Variants in SLC25A26 observed in about 807,000 individuals in gnomAD.
SLC25A26 encodes mitochondrial S-adenosylmethionine carrier protein.
In SLC25A26, 36 loss-of-function variants were observed where a neutral mutation model predicts 37.8. The ratio of observed to expected loss-of-function variants is 0.95; its 90% CI spans 0.73 to 1.26. The LOEUF (loss-of-function observed/expected upper bound fraction) is 1.26. Among genes scored for constraint, SLC25A26 ranks in the 50% most tolerant of loss-of-function variants. The probability of loss-of-function intolerance (pLI) is 0.00; values close to 1 mark genes in which losing one functional copy is unlikely to be tolerated. For missense variants in SLC25A26, 390 were observed against 331.1 expected (o/e 1.18, Z -1.38); for synonymous variants, 129 against 122.5 (o/e 1.05, Z -0.35).
At chr3:66,361,564 A>C (rs1026990773) in intron 6 of SLC25A26, among the ~76,000 whole-genome samples, 2 of 152,242 alleles carry the variant, frequency 1.3e-5, no homozygotes, top group African/African-American at 4.8e-5. Context: ...ACGGTAACCC[A>C]GTACAAATGT....
At chr3:66,354,075 C>T (rs2076520717) in intron 6 of SLC25A26, among the ~76,000 whole-genome samples, 1 of 151,988 alleles carries the variant, frequency 6.6e-6, no homozygotes. Context: ...CCTTTTTAAC[C>T]ATACAGATCT....
In SLC25A26 at chr3:66,283,817, T is replaced by C. The variant is rs181544277; in HGVS notation, c.453+20438T>C. On this transcript the variant is annotated intron_variant, in intron 5 of 9. Transcript: ENST00000354883. ...ACACATATTTATGAGAGAGAAACTT[T>C]CTATAAGACTCTAAGTTTAGAATAT... is the stretch of plus-strand genomic sequence containing the variant. Among the ~76,000 whole-genome samples the C allele has an allele frequency of 1.5e-3, 234 of 152,374 alleles. 1 individual carries two copies. Among genetic ancestry groups the C allele is most frequent in the African/African-American group, 5.3e-3 (222 of 41,592 alleles).
intron 2 of SLC25A26, among the ~76,000 whole-genome samples, chr3:66,241,077 C>T (rs2072561282): frequency 6.6e-6 from 1 of 152,022 alleles, no homozygotes; most frequent in African/African-American, 2.4e-5. Context: ...TATTTCTAGG[C>T]TATGTGGTTC....
chr3:66,264,732 G>C (rs1455785509), intron 5 of SLC25A26, among the ~76,000 whole-genome samples: 1 of 152,182 alleles, frequency 6.6e-6, no homozygotes, highest in Non-Finnish European at 1.5e-5. Flanking sequence ...TGCCAAAAAG[G>C]TTGGGGACCG....
chr3:66,172,396 G>A (rs1164842362), intron 1 of SLC25A26, among the ~76,000 whole-genome samples: 1 of 75,944 alleles, frequency 1.3e-5, no homozygotes, highest in East Asian at 3.6e-4. Flanking sequence ...GGGCCAGAGA[G>A]TGATACCTGT....
At chr3:66,156,619 T>A (rs528465937) in intron 1 of SLC25A26, among the ~76,000 whole-genome samples, 2 of 152,146 alleles carry the variant, frequency 1.3e-5, no homozygotes, top group East Asian at 3.9e-4. Flanking sequence ...CTTGTCATGA[T>A]GTAGGGGATA....
chr3:66,134,105 T>C (rs953875047), intron 1 of SLC25A26: 2 of 152,352 alleles, frequency 1.3e-5, no homozygotes, highest in African/African-American at 4.8e-5. Flanking sequence ...GAAGTTATTT[T>C]AACAGACTTC....
chr3:66,225,882 A>G (rs571258498), intron 1 of SLC25A26, among the ~76,000 whole-genome samples: 3 of 152,008 alleles, frequency 2.0e-5, no homozygotes, highest in Non-Finnish European at 4.4e-5. Context: ...CCTCATCTCC[A>G]TCTGAGTCCA....
intron 1 of SLC25A26, among the ~76,000 whole-genome samples, chr3:66,140,175 C>T (rs571419957): frequency 3.5e-4 from 54 of 152,320 alleles, no homozygotes; most frequent in Admixed American, 3.1e-3. Flanking sequence ...TATGTATTAA[C>T]ACTTGCAAGT....
chr3:66,261,191 T>C (rs2073515921), intron 3 of SLC25A26, among the ~76,000 whole-genome samples: 1 of 152,238 alleles, frequency 6.6e-6, no homozygotes, highest in Admixed American at 6.5e-5. Context: ...AAAGTTTGTA[T>C]ATTTGCAGAC....
intron 5 of SLC25A26, among the ~76,000 whole-genome samples, chr3:66,281,395 C>T (rs1204255271): frequency 6.6e-6 from 1 of 152,186 alleles, no homozygotes; most frequent in Non-Finnish European, 1.5e-5. Context: ...ATAGTTTTAA[C>T]ATCTGTGGAT....
chr3:66,341,646 G>A lies in SLC25A26; in HGVS notation c.454-4718G>A, dbSNP rs2076211914. On this transcript the variant is annotated intron_variant, in intron 5 of 9. Coordinates refer to ENST00000354883, the MANE Select transcript of SLC25A26 (RefSeq NM_001379210.1). ...CACACTCATCTGCTTTTCTCTGTTA[G>A]ATTCTTTTACTCATGTGTTTATTTT... Among the ~76,000 whole-genome samples the A allele has an allele frequency of 2.0e-5, 3 of 152,106 alleles. No homozygotes were observed. The East Asian group carries it at 5.8e-4, about 29-fold the overall frequency.
intron 6 of SLC25A26, among the ~76,000 whole-genome samples, chr3:66,354,170 T>C (rs2076522980): frequency 6.6e-6 from 1 of 151,528 alleles, no homozygotes; most frequent in African/African-American, 2.4e-5. Context: ...TTTTTTTTTT[T>C]CTATTTTCTT....
intron 1 of SLC25A26, among the ~76,000 whole-genome samples, chr3:66,209,894 C>A (rs1156505098): frequency 0.012 from 159 of 13,154 alleles, 16 homozygotes; most frequent in African/African-American, 0.03. Context: ...CTCTCTCTCT[C>A]TATTTATATA....
intron 3 of SLC25A26, among the ~76,000 whole-genome samples, chr3:66,257,523 G>A (rs985818747): frequency 2.0e-5 from 3 of 152,124 alleles, no homozygotes; most frequent in Non-Finnish European, 2.9e-5. Flanking sequence ...GAGTGACCCC[G>A]AGGCTGAGGG....
chr3:66,377,427 C>T lies in SLC25A26; in HGVS notation c.708-263C>T, dbSNP rs551457949. The stretch of plus-strand genomic sequence containing the variant: ...ACTTTAGAGGTGTGGGCTGGAAGTG[C>T]CTTCCAGCCTTACCTAGGATTCAGC... On this transcript the variant is annotated intron_variant, in intron 9 of 9. Transcript: ENST00000354883. Among the ~76,000 whole-genome samples, 4 of 152,018 alleles carry T rather than the reference C, an allele frequency of 2.6e-5. No homozygotes were observed. The East Asian group carries it at 5.8e-4, about 22-fold the overall frequency.
At chr3:66,319,669 C>CA (rs374884584) in intron 5 of SLC25A26, among the ~76,000 whole-genome samples, 3 of 116,520 alleles carry the variant, frequency 2.6e-5, no homozygotes, top group South Asian at 2.9e-4. Flanking sequence ...GTAGACAAAA[C>CA]AAAAAAAATG....
chr3:66,178,097 A>G (rs1304029915), intron 1 of SLC25A26, among the ~76,000 whole-genome samples: 1 of 152,170 alleles, frequency 6.6e-6, no homozygotes, highest in African/African-American at 2.4e-5. Flanking sequence ...GAATTTCAGG[A>G]AGCAGGGCAG....
intron 1 of SLC25A26, among the ~76,000 whole-genome samples, chr3:66,138,809 A>C (rs2106661496): frequency 6.6e-6 from 1 of 152,174 alleles, no homozygotes; most frequent in Middle Eastern, 3.4e-3. Flanking sequence ...CCACCCATTA[A>C]TCTTGTACTC....
Sources: gnomAD v4.1 joint callset for allele counts (sites outside exome capture counted in the v4.1 genomes callset) on GRCh38, gnomAD v4.1.1 for gene constraint, MANE v1.5 for transcripts, NCBI Gene and HGNC (gene_info 2026-07-23, HGNC 2026-07-21) for gene names.